Variants in SCNN1B observed in about 807,000 individuals in gnomAD.
SCNN1B encodes the protein epithelial sodium channel subunit beta.
SCNN1B carries 46 observed loss-of-function variants against 65.3 expected under a neutral mutation model. The observed-to-expected ratio is 0.70, with a 90% CI of 0.56 to 0.90. The LOEUF (loss-of-function observed/expected upper bound fraction) is 0.90. SCNN1B is among the 40% of genes least tolerant of loss of function. The probability of loss-of-function intolerance (pLI) is 0.00; values close to 1 mark genes in which losing one functional copy is unlikely to be tolerated. For synonymous variants in SCNN1B, 349 were observed against 330.6 expected (o/e 1.06, Z -0.60); for missense variants, 751 against 830.5 (o/e 0.90, Z 1.18).
At chr16:23,346,678 TGCAGGCTCCCTCCCCA>T (rs1962196382) in intron 1 of SCNN1B, among the ~76,000 whole-genome samples, 1 of 65,320 alleles carries the variant, frequency 1.5e-5, no homozygotes, top group African/African-American at 5.5e-5. Context: ...TCCCCACCCC[TGCAGGCTCCCTCCCCA>T]CCCCTGCAGG....
intron 4 of SCNN1B, among the ~76,000 whole-genome samples, chr16:23,356,400 G>A (rs931338872): frequency 6.6e-6 from 1 of 152,146 alleles, no homozygotes; most frequent in Non-Finnish European, 1.5e-5. Context: ...TAAGGCAGGA[G>A]GATCGCTTGA....
At chr16:23,291,273 A>G (rs1960920593) in intron 2 of SCNN1B, among the ~76,000 whole-genome samples, 1 of 151,826 alleles carries the variant, frequency 6.6e-6, no homozygotes, top group East Asian at 1.9e-4. Context: ...ATGTTGGTCA[A>G]GCTGATCTCA....
In SCNN1B at chr16:23,375,873, G is replaced by C; in HGVS notation, c.1270+18G>C. On this transcript the variant is annotated intron_variant, in intron 8 of 12. Coordinates refer to ENST00000343070, the MANE Select transcript of SCNN1B (RefSeq NM_000336.3). ...AGACTGGGGTGAGCGGGGGCACGGG[G>C]GATCGGCACTCCAGCCATCTGGGGC... is the stretch of plus-strand genomic sequence containing the variant. 6.6e-7 allele frequency: 1 copy of C among 1,508,178 alleles called. No homozygotes were observed. The allele number at this position is 1,508,178 out of a possible 1,614,324, so 93.4% of individuals were successfully genotyped here.
At chr16:23,347,156 C>G (rs1437500228) in intron 1 of SCNN1B, among the ~76,000 whole-genome samples, 2 of 152,148 alleles carry the variant, frequency 1.3e-5, no homozygotes, top group Non-Finnish European at 2.9e-5. Flanking sequence ...AAACCACCAG[C>G]CTTTAATGCC....
upstream of SCNN1B, among the ~76,000 whole-genome samples, chr16:23,300,904 C>T (rs559556125): frequency 6.6e-6 from 1 of 151,926 alleles, no homozygotes; most frequent in Admixed American, 6.6e-5. Context: ...TAGTGTAATG[C>T]ATTAATAAAT....
chr16:23,324,654 T>A (rs1961654771), intron 1 of SCNN1B, among the ~76,000 whole-genome samples: 1 of 152,162 alleles, frequency 6.6e-6, no homozygotes, highest in Non-Finnish European at 1.5e-5. Flanking sequence ...TTATTCCCAA[T>A]GGAACAACCA....
At chr16:23,346,507 C>T (rs1962192084) in intron 1 of SCNN1B, among the ~76,000 whole-genome samples, 1 of 152,132 alleles carries the variant, frequency 6.6e-6, no homozygotes, top group Non-Finnish European at 1.5e-5. Context: ...CAGGCATGAG[C>T]CACCGCACCT....
At chr16:23,338,640 A>C (rs11863089) in intron 1 of SCNN1B, among the ~76,000 whole-genome samples, 2,571 of 152,268 alleles carry the variant, frequency 0.017, 77 homozygotes, top group African/African-American at 0.058. Flanking sequence ...GAAAATGAGT[A>C]AAGAGGGCTG....
chr16:23,307,239 G>T (rs900937361), intron 1 of SCNN1B, among the ~76,000 whole-genome samples: 13 of 150,802 alleles, frequency 8.6e-5, no homozygotes, highest in African/African-American at 3.2e-4. Flanking sequence ...TCCTAGCATA[G>T]AATCTAGCAC....
rs139420503 is a variant in SCNN1B at position 23,304,128 on chromosome 16, T to C, written c.-9+1691T>C. On this transcript the variant is annotated intron_variant, in intron 1 of 12. Coordinates refer to ENST00000343070, the MANE Select transcript of SCNN1B (RefSeq NM_000336.3). ...TTGGTTTTTATTTCAGCATCTTCTATAAATTGTTATCTCTGGGTTAAGTTC... is the reference window on the plus strand; with the variant it reads ...TTGGTTTTTATTTCAGCATCTTCTACAAATTGTTATCTCTGGGTTAAGTTC... 6 of 1,504,256 alleles carry C rather than the reference T, an allele frequency of 4.0e-6. No individual in the cohort carries two copies. The African/African-American group carries it at 4.1e-5, about 10-fold the overall frequency. 93.2% of individuals were successfully genotyped at this position (1,504,256 alleles called of 1,614,324 possible).
intron 7 of SCNN1B, among the ~76,000 whole-genome samples, chr16:23,375,417 T>C (rs975705138): frequency 2.0e-5 from 3 of 152,170 alleles, no homozygotes; most frequent in African/African-American, 7.2e-5. Context: ...ATTGGCTTTA[T>C]TATTAGGGGC....
chr16:23,350,132 C>T (rs1416034156), intron 2 of SCNN1B, among the ~76,000 whole-genome samples: 1 of 152,098 alleles, frequency 6.6e-6, no homozygotes, highest in Non-Finnish European at 1.5e-5. Context: ...TTATGATATG[C>T]TAGGCACTGT....
intron 1 of SCNN1B, among the ~76,000 whole-genome samples, chr16:23,337,075 G>A (rs1358047528): frequency 6.6e-6 from 1 of 152,000 alleles, no homozygotes; most frequent in Non-Finnish European, 1.5e-5. Flanking sequence ...TTTTTAGACA[G>A]TGTCTTGCTG....
upstream of SCNN1B, chr16:23,302,130 CG>C: frequency 6.6e-6 from 1 of 152,506 alleles, no homozygotes; most frequent in Non-Finnish European, 1.5e-5. Flanking sequence ...CGCGTGCGTG[CG>C]GGGGGCGTCC....
At chr16:23,376,744 TA>T (rs770607656) in intron 8 of SCNN1B, among the ~76,000 whole-genome samples, 5,545 of 63,138 alleles carry the variant, frequency 0.088, 105 homozygotes, top group South Asian at 0.2. Context: ...ACCCCGTCTA[TA>T]AAAAAAAAAA....
intron 4 of SCNN1B, among the ~76,000 whole-genome samples, chr16:23,356,638 C>CA (rs1567309700): frequency 6.7e-6 from 1 of 150,198 alleles, no homozygotes; most frequent in Non-Finnish European, 1.5e-5. Flanking sequence ...AAAAAAAAAA[C>CA]AAAAAACAAA....
At chr16:23,358,428 C>T (rs147666771) in intron 4 of SCNN1B, 1 of 152,084 alleles carries the variant, frequency 6.6e-6, no homozygotes, top group African/African-American at 2.4e-5. Flanking sequence ...AGCTGTGTGA[C>T]CTTGAACAAG....
chr16:23,347,307 T>C (rs1285001437), intron 1 of SCNN1B, among the ~76,000 whole-genome samples: 1 of 152,130 alleles, frequency 6.6e-6, no homozygotes, highest in Non-Finnish European at 1.5e-5. Flanking sequence ...GGACCTGGCC[T>C]GTGCTAGGCT....
chr16:23,374,268 G>GAA (rs1223701346), intron 7 of SCNN1B, among the ~76,000 whole-genome samples: 71 of 60,450 alleles, frequency 1.2e-3, no homozygotes, highest in African/African-American at 3.3e-3. Flanking sequence ...CCTGTCTCAG[G>GAA]AAAAAAAAAA....
Sources: allele counts gnomAD v4.1 joint callset (sites outside exome capture counted in the v4.1 genomes callset), GRCh38; gene constraint gnomAD v4.1.1; transcripts MANE v1.5; gene names NCBI Gene and HGNC (gene_info 2026-07-23, HGNC 2026-07-21).